The following YES1 variants were observed in gnomAD, a reference collection of about 807,000 sequenced individuals.
The protein encoded by YES1 is YES proto-oncogene 1, Src family tyrosine kinase.
Under a neutral mutation model 70.4 loss-of-function variants are expected in YES1, and 39 were observed. The observed-to-expected ratio is 0.55, with a 90% confidence interval of 0.43 to 0.72. YES1 has a LOEUF of 0.72. Ranked by LOEUF, YES1 falls within the 30% of genes least tolerant of loss-of-function variation. The pLI is 0.00. For synonymous variants in YES1, 198 were observed against 218.6 expected, an observed-to-expected ratio of 0.91 and a Z score of 0.83; for missense variants, 495 against 644.8, an observed-to-expected ratio of 0.77 and a Z score of 2.52.
chr18:732,435 TAAA>T (rs11460599), intron 11 of YES1, among the ~76,000 whole-genome samples: 1 of 90,482 alleles, frequency 1.1e-5, no homozygotes, highest in Non-Finnish European at 2.0e-5. Flanking sequence ...AGACTGTGTT[TAAA>T]AAAAAAAAAA....
chr18:785,910 C>G (rs1328667872), intron 1 of YES1, among the ~76,000 whole-genome samples: 2 of 152,142 alleles, frequency 1.3e-5, no homozygotes, highest in African/African-American at 4.8e-5. Flanking sequence ...TGCACTCCAG[C>G]CTGGGCAAAA....
chr18:730,664 G>C (rs1313859083), intron 11 of YES1, among the ~76,000 whole-genome samples: 2 of 152,092 alleles, frequency 1.3e-5, no homozygotes, highest in African/African-American at 4.8e-5. Context: ...TTTAGAAAAT[G>C]CCTTCAGAAA....
intron 10 of YES1, among the ~76,000 whole-genome samples, chr18:735,161 C>CAAAAAAAAAAAAA (rs71174281): frequency 5.4e-5 from 6 of 110,652 alleles, no homozygotes; most frequent in African/African-American, 1.0e-4. Flanking sequence ...TGTCTCAAAG[C>CAAAAAAAAAAAAA]AAAAAAAAAA....
intron 3 of YES1, among the ~76,000 whole-genome samples, chr18:749,192 C>A (rs1055423578): frequency 2.6e-5 from 4 of 151,618 alleles, no homozygotes; most frequent in Non-Finnish European, 5.9e-5. Context: ...AAAACAAAAA[C>A]CCAAAAAAAC....
chr18:748,948 G>A (rs2080310987), intron 3 of YES1, among the ~76,000 whole-genome samples: 1 of 151,964 alleles, frequency 6.6e-6, no homozygotes, highest in Non-Finnish European at 1.5e-5. Flanking sequence ...ATCACCTGAG[G>A]TCCAGAGTTC....
intron 6 of YES1, 104 bp downstream of exon 6, chr18:745,604 G>A (rs902363799): frequency 1.8e-6 from 2 of 1,094,790 alleles, no homozygotes; most frequent in Non-Finnish European, 2.6e-6. Context: ...CATGTATTAT[G>A]TGTAAATAAG....
intron 3 of YES1, among the ~76,000 whole-genome samples, chr18:749,960 G>A (rs914713971): frequency 5.9e-5 from 9 of 151,986 alleles, no homozygotes; most frequent in South Asian, 4.2e-4. Flanking sequence ...CACATAAGCC[G>A]TCATTTTTTC....
At chr18:779,149 C>T (rs992610260) in intron 1 of YES1, among the ~76,000 whole-genome samples, 1 of 152,010 alleles carries the variant, frequency 6.6e-6, no homozygotes, top group Admixed American at 6.6e-5. Context: ...AGTGGCTGAT[C>T]CCAGCAGTTT....
chr18:768,795 C>T (rs1905023972), intron 1 of YES1, among the ~76,000 whole-genome samples: 1 of 151,178 alleles, frequency 6.6e-6, no homozygotes, highest in African/African-American at 2.4e-5. Context: ...CTCCGCTTCC[C>T]AGGTTCAAGA....
intron 1 of YES1, among the ~76,000 whole-genome samples, chr18:783,840 C>A (rs1229006864): frequency 6.6e-6 from 1 of 152,170 alleles, no homozygotes; most frequent in East Asian, 1.9e-4. Flanking sequence ...TCTTGAACGC[C>A]TGACATCAGG....
intron 1 of YES1, among the ~76,000 whole-genome samples, chr18:759,703 A>ATT (rs71174285): frequency 0.58 from 87,863 of 151,708 alleles, 26,129 homozygotes; most frequent in African/African-American, 0.72. Context: ...CAATTTATTT[A>ATT]TTTCTTTTTT....
chr18:782,052 T>C (rs1442774577), intron 1 of YES1, among the ~76,000 whole-genome samples: 1 of 152,176 alleles, frequency 6.6e-6, no homozygotes, highest in Admixed American at 6.6e-5. Context: ...GGTCTTTCCA[T>C]CACTTCCCTT....
chr18:774,692 A>G (rs1568209505), intron 1 of YES1, among the ~76,000 whole-genome samples: 1 of 152,096 alleles, frequency 6.6e-6, no homozygotes, highest in African/African-American at 2.4e-5. Flanking sequence ...CACTAATTCA[A>G]CAATACTGAA....
At chr18:727,525 C>T (rs1224628901) in intron 11 of YES1, among the ~76,000 whole-genome samples, 2 of 152,166 alleles carry the variant, frequency 1.3e-5, no homozygotes, top group Admixed American at 1.3e-4. Flanking sequence ...TCCTCTCTTG[C>T]TTTTTAATTT....
intron 1 of YES1, among the ~76,000 whole-genome samples, chr18:780,511 C>CAA (rs1905605615): frequency 2.6e-5 from 4 of 152,150 alleles, no homozygotes. Context: ...GTCCTACCAG[C>CAA]AAGAAAGCCC....
intron 1 of YES1, among the ~76,000 whole-genome samples, chr18:804,036 A>G (rs1019096349): frequency 3.9e-5 from 6 of 152,230 alleles, no homozygotes; most frequent in African/African-American, 1.4e-4. Flanking sequence ...TCTTTGTTTT[A>G]GAAAATCTAT....
chr18:786,345 G>A (rs1905938409), intron 1 of YES1, among the ~76,000 whole-genome samples: 1 of 151,994 alleles, frequency 6.6e-6, no homozygotes, highest in Non-Finnish European at 1.5e-5. Flanking sequence ...AGAGTAGGAG[G>A]AAGGGGAGCT....
At chr18:734,935 A>G (rs367776230) in intron 10 of YES1, among the ~76,000 whole-genome samples, 73 of 152,298 alleles carry the variant, frequency 4.8e-4, no homozygotes, top group African/African-American at 1.7e-3. Flanking sequence ...AGGCGTGTGG[A>G]TCACCTGAGG....
intron 11 of YES1, among the ~76,000 whole-genome samples, chr18:732,626 G>A (rs1264906044): frequency 6.6e-6 from 1 of 152,030 alleles, no homozygotes; most frequent in Non-Finnish European, 1.5e-5. Context: ...TGCTCACCCT[G>A]TCAAGGATCG....
Sources: gnomAD v4.1 joint callset for allele counts (sites outside exome capture counted in the v4.1 genomes callset) on GRCh38, gnomAD v4.1.1 for gene constraint, MANE v1.5 for transcripts, NCBI Gene and HGNC (gene_info 2026-07-23, HGNC 2026-07-21) for gene names.